The following LYN variants were observed in gnomAD, a reference collection of about 807,000 sequenced individuals.
LYN encodes the protein tyrosine-protein kinase Lyn.
In LYN, 12 loss-of-function variants were observed where a neutral mutation model predicts 65.0. The observed-to-expected ratio is 0.18, with a 90% CI of 0.12 to 0.30. The LOEUF is 0.30. Among genes scored for constraint, LYN ranks in the 10% least tolerant of loss-of-function variants. The pLI is 1.00. For synonymous variants in LYN, 222 were observed against 221.2 expected (o/e 1.00, Z -0.03); for missense variants, 380 against 623.2 (o/e 0.61, Z 4.16).
intron 1 of LYN, among the ~76,000 whole-genome samples, chr8:55,911,857 A>T (rs1386685969): frequency 6.6e-6 from 1 of 152,128 alleles, no homozygotes. Context: ...CTTTACTGAG[A>T]TGGAGAAGAT....
chr8:55,963,924 A>C (rs1026790812), intron 8 of LYN, among the ~76,000 whole-genome samples: 1 of 152,148 alleles, frequency 6.6e-6, no homozygotes, highest in African/African-American at 2.4e-5. Context: ...GCTGGGGTTA[A>C]GGTTAGGGTT....
At chr8:55,944,527 C>A (rs147925414) in intron 2 of LYN, among the ~76,000 whole-genome samples, 64 of 152,314 alleles carry the variant, frequency 4.2e-4, no homozygotes, top group African/African-American at 1.5e-3. Flanking sequence ...GTTGCCCAGG[C>A]TGGAGTGCAA....
intron 1 of LYN, chr8:55,894,062 A>G (rs996197067): frequency 1.3e-5 from 2 of 152,176 alleles, no homozygotes; most frequent in Non-Finnish European, 2.9e-5. Flanking sequence ...GGGACCCACT[A>G]AGGGACCCAT....
chr8:55,997,159 CAAAA>C (rs11412762), intron 10 of LYN, among the ~76,000 whole-genome samples: 1 of 100,484 alleles, frequency 1.0e-5, no homozygotes, highest in Non-Finnish European at 2.1e-5. Context: ...GAGACTGTCT[CAAAA>C]AAAAAAAAAA....
At chr8:55,921,193 G>A (rs891668786) in intron 1 of LYN, among the ~76,000 whole-genome samples, 2 of 152,122 alleles carry the variant, frequency 1.3e-5, no homozygotes, top group South Asian at 2.1e-4. Flanking sequence ...ATTCTATTAC[G>A]GAATTGCTGC....
Position 55,922,765 on chromosome 8 carries a change from C to CAAA in LYN, c.-5-19080_-5-19078dup, listed in dbSNP as rs575010862. Among the ~76,000 whole-genome samples, 528 of 136,554 alleles carry CAAA rather than the reference C, an allele frequency of 3.9e-3. 4 individuals carry two copies. The highest frequency in any genetic ancestry group is 6.1e-3 in the African/African-American group (234 of 38,184). The allele number at this position is 136,554 out of a possible 152,430, so 89.6% of individuals were successfully genotyped here. A position where few individuals can be genotyped will look rare whatever the true frequency, so the allele number is the denominator to read the frequency against. ...CTGGGCAAAAAGAGCGAAATTCCAT[C>CAAA]AAAAAAAAAAAAGAATTTTGAATAT... On this transcript the variant is annotated intron_variant, in intron 1 of 12. Transcript: ENST00000519728.
chr8:55,913,049 T>A lies in LYN; in HGVS notation c.-5-28806T>A, dbSNP rs538252343. Among the ~76,000 whole-genome samples the A allele has an allele frequency of 5.9e-5, 9 of 152,310 alleles. No individual in the cohort carries two copies. In the South Asian group the frequency reaches 1.4e-3, roughly 25 times the overall value. On this transcript the variant is annotated intron_variant, in intron 1 of 12. Transcript: ENST00000519728. The stretch of plus-strand genomic sequence containing the variant: ...ATAGAGTTAGTGGGATGTCTGCCTG[T>A]TGAAACCATTTTACTAGGTAAGTAT...
chr8:55,905,298 G>T (rs1232988799), intron 1 of LYN, among the ~76,000 whole-genome samples: 53 of 152,132 alleles, frequency 3.5e-4, no homozygotes, highest in Non-Finnish European at 2.9e-5. Context: ...TGTGATTCCA[G>T]CTACTCCGGA....
chr8:55,916,157 C>G (rs1327123348), intron 1 of LYN, among the ~76,000 whole-genome samples: 1 of 151,940 alleles, frequency 6.6e-6, no homozygotes, highest in Non-Finnish European at 1.5e-5. Context: ...ACTAAATCTT[C>G]AGAAAAAATT....
intron 12 of LYN, among the ~76,000 whole-genome samples, chr8:56,009,700 G>C (rs1808761880): frequency 6.6e-6 from 1 of 152,088 alleles, no homozygotes; most frequent in South Asian, 2.1e-4. Context: ...TCTAAATATG[G>C]TGCTGTCAAT....
rs138431264 is a variant in LYN, at chr8:56,005,762, T to A, written c.1337-4146T>A. 1.4e-4 allele frequency among the ~76,000 whole-genome samples: 21 copies of A among 152,324 alleles called. No individual in the cohort carries two copies. In the East Asian group the frequency reaches 3.5e-3, roughly 25 times the overall value. ...TATCTTAAAACCAAAACTATGATTA[T>A]ATTTCTCTATCAATTTTATACAGAA... On this transcript the variant is annotated intron_variant, in intron 12 of 12. Coordinates refer to ENST00000519728, the MANE Select transcript of LYN (RefSeq NM_002350.4).
chr8:56,010,285 T>C lies in LYN; in HGVS notation c.*175T>C. 1.6e-6 allele frequency: 1 copy of C among 612,370 alleles called. No individual in the cohort carries two copies. Among genetic ancestry groups the C allele is most frequent in the South Asian group, 2.0e-5 (1 of 51,118 alleles). 37.9% of individuals were successfully genotyped at this position (612,370 alleles called of 1,614,324 possible). A position where few individuals can be genotyped will look rare whatever the true frequency, so the allele number is the denominator to read the frequency against. On this transcript the variant is annotated 3_prime_UTR_variant, in exon 13 of 13. Transcript: ENST00000519728. The stretch of plus-strand genomic sequence containing the variant: ...ACCCTCTAAATGGGAAAGTATTCTG[T>C]ACTCTTAGATGGATTCTCCACTCAG...
chr8:55,896,893 T>C (rs556662457), intron 1 of LYN, among the ~76,000 whole-genome samples: 1 of 152,224 alleles, frequency 6.6e-6, no homozygotes, highest in Admixed American at 6.5e-5. Context: ...GTGCCCGCCA[T>C]CACCCCCAGC....
At chr8:55,942,102 G>T (rs982137412) in intron 2 of LYN, 111 bp downstream of exon 2, 1 of 1,097,454 alleles carries the variant, frequency 9.1e-7, no homozygotes, top group Non-Finnish European at 1.3e-6. Flanking sequence ...TTGATTACTT[G>T]GTCCTCAAAT....
intron 1 of LYN, among the ~76,000 whole-genome samples, chr8:55,928,048 T>G (rs991622216): frequency 5.5e-4 from 84 of 152,350 alleles, no homozygotes; most frequent in African/African-American, 1.9e-3. Flanking sequence ...TTGGAGTATC[T>G]GTTGCTCTGC....
chr8:55,977,431 A>G (rs56890176), intron 10 of LYN, among the ~76,000 whole-genome samples: 4,878 of 152,234 alleles, frequency 0.032, 169 homozygotes, highest in African/African-American at 0.081. Flanking sequence ...TTCTCCCCCA[A>G]CACACCAGGG....
chr8:55,916,189 T>TA (rs577465634), intron 1 of LYN, among the ~76,000 whole-genome samples: 6 of 152,000 alleles, frequency 3.9e-5, no homozygotes, highest in Middle Eastern at 3.4e-3. Context: ...GATCATTGGC[T>TA]AAAAAAAATG....
At chr8:56,002,262 A>G (rs186657234) in intron 12 of LYN, among the ~76,000 whole-genome samples, 19 of 152,222 alleles carry the variant, frequency 1.2e-4, no homozygotes, top group African/African-American at 1.9e-4. Context: ...TACTAAAAAT[A>G]AAAACAATTA....
At chr8:55,899,537 G>C (rs1671845047) in intron 1 of LYN, among the ~76,000 whole-genome samples, 1 of 152,206 alleles carries the variant, frequency 6.6e-6, no homozygotes, top group African/African-American at 2.4e-5. Flanking sequence ...CATTTATTGA[G>C]TGCACACGGT....
Sources: gnomAD v4.1 joint callset for allele counts (sites outside exome capture counted in the v4.1 genomes callset) on GRCh38, gnomAD v4.1.1 for gene constraint, MANE v1.5 for transcripts, NCBI Gene and HGNC (gene_info 2026-07-23, HGNC 2026-07-21) for gene names.